NCOA2: variants seen among roughly 807,000 people sequenced by gnomAD.
The protein encoded by NCOA2 is class E basic helix-loop-helix protein 75.
Under a neutral mutation model 145.1 loss-of-function variants are expected in NCOA2, and 21 were observed. The ratio of observed to expected loss-of-function variants is 0.14; its 90% CI spans 0.10 to 0.21. The LOEUF is 0.21. Ranked by LOEUF, NCOA2 falls within the 10% of genes least tolerant of loss-of-function variation. NCOA2 has a pLI of 1.00. For synonymous variants in NCOA2, 619 were observed against 637.5 expected (o/e 0.97, Z 0.44); for missense variants, 1,472 against 1,837.6 (o/e 0.80, Z 3.64).
chr8:70,210,687 C>G (rs1195452633), intron 4 of NCOA2, among the ~76,000 whole-genome samples: 1 of 152,178 alleles, frequency 6.6e-6, no homozygotes, highest in Non-Finnish European at 1.5e-5. Flanking sequence ...AAGTAACTGA[C>G]AGAGCACAGA....
At chr8:70,161,487 A>C (rs906432857) in intron 9 of NCOA2, among the ~76,000 whole-genome samples, 5 of 152,204 alleles carry the variant, frequency 3.3e-5, no homozygotes, top group Admixed American at 3.3e-4. Flanking sequence ...CTTATTTCTA[A>C]AAAATAGGAT....
At chr8:70,261,232 G>T in intron 2 of NCOA2, among the ~76,000 whole-genome samples, 1 of 152,176 alleles carries the variant, frequency 6.6e-6, no homozygotes. Flanking sequence ...ATTGGATTAA[G>T]AAAATGTGGC....
At chr8:70,259,678 T>C (rs542496424) in intron 2 of NCOA2, among the ~76,000 whole-genome samples, 1 of 152,140 alleles carries the variant, frequency 6.6e-6, no homozygotes, top group Non-Finnish European at 1.5e-5. Flanking sequence ...AAACTAGAAA[T>C]AGAATTTAGA....
chr8:70,250,894 G>A (rs1490873774), intron 2 of NCOA2, among the ~76,000 whole-genome samples: 1 of 152,070 alleles, frequency 6.6e-6, no homozygotes, highest in African/African-American at 2.4e-5. Flanking sequence ...TTTAAAACCT[G>A]ATAAAATATC....
intron 11 of NCOA2, among the ~76,000 whole-genome samples, chr8:70,152,213 C>A (rs1811827626): frequency 1.3e-5 from 2 of 152,130 alleles, no homozygotes; most frequent in Admixed American, 6.5e-5. Flanking sequence ...AAAAGTTCTA[C>A]AAAATGAAAA....
In NCOA2 at chr8:70,128,948, A is replaced by C. The variant is rs1237070108; in HGVS notation, c.3357T>G (p.Ser1119Arg). The change falls in exon 17 of 23, where the codon AGT becomes AGG. Residue 1119 changes from serine (S) to arginine (R), a missense_variant. Transcript: ENST00000452400. ...GCTCCAGCATGATGTTGGAATCCTGACTTGAGAACTGTTCTGGATCTACTG... is the reference window on the plus strand; with the variant it reads ...GCTCCAGCATGATGTTGGAATCCTGCCTTGAGAACTGTTCTGGATCTACTG... ...SQAVDPEQFS[S>R]QDSNIMLEQK... 3.1e-6 allele frequency: 5 copies of C among 1,608,120 alleles called. No individual in the cohort carries two copies. The highest frequency in any genetic ancestry group is 4.2e-6 in the Non-Finnish European group (5 of 1,176,970).
chr8:70,194,456 G>C (rs1286313817), intron 4 of NCOA2, among the ~76,000 whole-genome samples: 1 of 152,156 alleles, frequency 6.6e-6, no homozygotes, highest in Non-Finnish European at 1.5e-5. Flanking sequence ...AACAAGGCCA[G>C]TGTTGTTTAT....
At chr8:70,402,745 G>C (rs1814434994) in intron 1 of NCOA2, among the ~76,000 whole-genome samples, 1 of 151,802 alleles carries the variant, frequency 6.6e-6, no homozygotes, top group Admixed American at 6.6e-5. Flanking sequence ...GGGCGCTGGC[G>C]AGCCAACCCG....
the NCOA2 span, among the ~76,000 whole-genome samples, chr8:70,432,788 T>G: frequency 1.3e-5 from 2 of 152,206 alleles, no homozygotes; most frequent in Non-Finnish European, 2.9e-5. Context: ...GGTAATTTCA[T>G]GCTTATATGT....
At chr8:70,435,996 A>T in the NCOA2 span, among the ~76,000 whole-genome samples, 1 of 152,078 alleles carries the variant, frequency 6.6e-6, no homozygotes, top group African/African-American at 2.4e-5. Flanking sequence ...TTTATCCATG[A>T]TCGTTTTTCC....
At position 70,251,151 on chromosome 8, in the gene NCOA2, GTTT is replaced by G. The variant is rs150979000; in HGVS notation, c.-19-34390_-19-34388del. 5.9e-3 allele frequency among the ~76,000 whole-genome samples: 893 copies of G among 151,982 alleles called. 5 individuals carry two copies. Among genetic ancestry groups the G allele is most frequent in the African/African-American group, 0.02 (831 of 41,450 alleles). On this transcript the variant is annotated intron_variant, in intron 2 of 22. Coordinates refer to ENST00000452400, the MANE Select transcript of NCOA2 (RefSeq NM_006540.4). ...TCATCCCACTAACATTAACTAGAGAGTTTTTTTTCTTGATGTGTAGGAAAATGA... is the reference window on the plus strand; with the variant it reads ...TCATCCCACTAACATTAACTAGAGAGTTTTTCTTGATGTGTAGGAAAATGA...
chr8:70,257,688 G>C (rs1372179709), intron 2 of NCOA2, among the ~76,000 whole-genome samples: 1 of 151,880 alleles, frequency 6.6e-6, no homozygotes, highest in Non-Finnish European at 1.5e-5. Context: ...TGGCCCTTGA[G>C]AACCACACAG....
intron 1 of NCOA2, among the ~76,000 whole-genome samples, chr8:70,333,171 C>T (rs1807256879): frequency 6.6e-6 from 1 of 152,132 alleles, no homozygotes; most frequent in Admixed American, 6.5e-5. Flanking sequence ...CTGGCTGGAC[C>T]GGTCTTTTCC....
At chr8:70,191,899 G>C (rs1041687417) in intron 4 of NCOA2, among the ~76,000 whole-genome samples, 73 of 152,082 alleles carry the variant, frequency 4.8e-4, no homozygotes, top group African/African-American at 1.7e-3. Flanking sequence ...AAATTAGCTG[G>C]CCATGGTGGA....
chr8:70,217,968 G>GAA (rs112811456), intron 2 of NCOA2, among the ~76,000 whole-genome samples: 9 of 133,268 alleles, frequency 6.8e-5, no homozygotes, highest in African/African-American at 2.2e-4. Flanking sequence ...TTTCTGGATA[G>GAA]AAAAAAAAAA....
Position 70,402,922 on chromosome 8 carries a change from GCCGCCCGCC to G in NCOA2, c.-77+769_-77+777del, listed in dbSNP as rs533429039. On this transcript the variant is annotated intron_variant, in intron 1 of 22. Transcript: ENST00000452400. ...GGCCCGGCCTGCTCGGCCCCAGCGC[GCCGCCCGCC>G]CCGCCCGCCGCAGCTCCTTCCCGTC... Among the ~76,000 whole-genome samples, 85 of 125,082 alleles carry G rather than the reference GCCGCCCGCC, an allele frequency of 6.8e-4. 2 individuals carry two copies. In the South Asian group the frequency reaches 0.021, roughly 31 times the overall value. The allele number at this position is 125,082 out of a possible 152,430, so 82.1% of individuals were successfully genotyped here.
chr8:70,440,947 GAAGA>G, the NCOA2 span, among the ~76,000 whole-genome samples: 1 of 136,950 alleles, frequency 7.3e-6, no homozygotes, highest in Non-Finnish European at 1.6e-5. Context: ...AGAAAAGGAA[GAAGA>G]AAGAAAGAAA....
At chr8:70,114,093 T>C (rs1163735265) in intron 22 of NCOA2, among the ~76,000 whole-genome samples, 1 of 152,208 alleles carries the variant, frequency 6.6e-6, no homozygotes, top group Non-Finnish European at 1.5e-5. Context: ...TTCTATAAAA[T>C]GGCCCTCCTG....
chr8:70,314,319 T>C (rs1805403197), intron 1 of NCOA2, among the ~76,000 whole-genome samples: 1 of 151,814 alleles, frequency 6.6e-6, no homozygotes, highest in African/African-American at 2.4e-5. Flanking sequence ...CCAACCTATA[T>C]TATCCTATTT....
Sources: allele counts gnomAD v4.1 joint callset (sites outside exome capture counted in the v4.1 genomes callset), GRCh38; gene constraint gnomAD v4.1.1; transcripts MANE v1.5; gene names NCBI Gene and HGNC (gene_info 2026-07-23, HGNC 2026-07-21).